The following SPAG16 variants were observed in gnomAD, a reference collection of about 807,000 sequenced individuals.
SPAG16 encodes the protein sperm-associated antigen 16 protein.
SPAG16 carries 86 observed loss-of-function variants against 80.4 expected under a neutral mutation model. The ratio of observed to expected loss-of-function variants is 1.07; its 90% CI spans 0.90 to 1.28. SPAG16 has a LOEUF of 1.28. Ranked by LOEUF, SPAG16 falls within the 50% of genes most tolerant of loss-of-function variation. The pLI is 0.00. For synonymous variants in SPAG16, 294 were observed against 265.9 expected, an observed-to-expected ratio of 1.11 and a Z score of -1.03; for missense variants, 870 against 765.3, an observed-to-expected ratio of 1.14 and a Z score of -1.61.
At chr2:214,191,086 C>A (rs141712741) in intron 15 of SPAG16, among the ~76,000 whole-genome samples, 99 of 152,210 alleles carry the variant, frequency 6.5e-4, no homozygotes, top group African/African-American at 2.2e-3. Context: ...ATTATCCATT[C>A]TTCTTCTGAA....
At chr2:213,349,548 A>G (rs929626529) in intron 6 of SPAG16, among the ~76,000 whole-genome samples, 1 of 152,184 alleles carries the variant, frequency 6.6e-6, no homozygotes, top group African/African-American at 2.4e-5. Context: ...GTGTTTATCT[A>G]AAATAAATGA....
chr2:213,686,213 G>A (rs549611774), intron 10 of SPAG16, among the ~76,000 whole-genome samples: 16 of 152,196 alleles, frequency 1.1e-4, no homozygotes, highest in East Asian at 7.7e-4. Flanking sequence ...CTGCCTCCCC[G>A]GTTCAAGTGA....
intron 12 of SPAG16, among the ~76,000 whole-genome samples, chr2:214,002,278 A>G (rs2046827704): frequency 1.3e-5 from 2 of 152,192 alleles, no homozygotes; most frequent in African/African-American, 4.8e-5. Flanking sequence ...AGGCACTTAC[A>G]TATAGCTCAC....
At chr2:214,102,091 G>T (rs968460660) in intron 13 of SPAG16, among the ~76,000 whole-genome samples, 3 of 146,062 alleles carry the variant, frequency 2.1e-5, no homozygotes, top group African/African-American at 7.6e-5. Context: ...CAATAATAAA[G>T]CATATCTGGT....
rs142326670 is a variant in SPAG16 at position 213,721,599 on chromosome 2, A to G, written c.1071-140886A>G. On this transcript the variant is annotated intron_variant, in intron 10 of 15. Transcript: ENST00000331683. ...CACTTTTCCTCTTTAAACGGTAATA[A>G]CCATTCATTGCAAATTACTAATATA... 2.0e-3 allele frequency among the ~76,000 whole-genome samples: 308 copies of G among 152,330 alleles called. 2 individuals carry two copies. The highest frequency in any genetic ancestry group is 6.8e-3 in the African/African-American group (283 of 41,568).
chr2:213,659,190 G>C (rs1477436042), intron 10 of SPAG16, among the ~76,000 whole-genome samples: 2 of 152,056 alleles, frequency 1.3e-5, no homozygotes, highest in African/African-American at 4.8e-5. Context: ...TTTCTTTGTT[G>C]TGTTATATGT....
At position 214,362,799 on chromosome 2, in the gene SPAG16, T is replaced by C. The variant is rs79511084; in HGVS notation, c.1721-47341T>C. ...AGCATCTTATAATTTTATAGGAAAG[T>C]TAAAGTACAAATAGCTGTAATTCAG... is the stretch of plus-strand genomic sequence containing the variant. On this transcript the variant is annotated intron_variant, in intron 15 of 15. Transcript: ENST00000331683. Among the ~76,000 whole-genome samples, 1,323 of 151,994 alleles carry C rather than the reference T, an allele frequency of 8.7e-3. 23 individuals are homozygous for C. Among genetic ancestry groups the C allele is most frequent in the African/African-American group, 0.03 (1,251 of 41,516 alleles).
chr2:213,566,480 G>T (rs927650350), intron 10 of SPAG16, among the ~76,000 whole-genome samples: 5 of 151,918 alleles, frequency 3.3e-5, no homozygotes, highest in African/African-American at 9.7e-5. Flanking sequence ...GAGGAAAAAG[G>T]ATCTTTTAAT....
intron 3 of SPAG16, among the ~76,000 whole-genome samples, chr2:213,297,623 G>A (rs1027979206): frequency 5.3e-5 from 8 of 152,222 alleles, no homozygotes; most frequent in African/African-American, 1.9e-4. Context: ...TAATCTCACT[G>A]GAGGATAAAC....
At chr2:213,495,515 G>A (rs965929653) in intron 10 of SPAG16, among the ~76,000 whole-genome samples, 1 of 152,150 alleles carries the variant, frequency 6.6e-6, no homozygotes, top group Non-Finnish European at 1.5e-5. Context: ...TATTGAACAC[G>A]TGTCAGGCAC....
At chr2:213,407,564 C>T (rs569953590) in intron 9 of SPAG16, among the ~76,000 whole-genome samples, 39 of 151,028 alleles carry the variant, frequency 2.6e-4, no homozygotes, top group African/African-American at 8.5e-4. Flanking sequence ...GTTGCACTCC[C>T]GCAGGTCCCT....
At chr2:213,793,221 C>T (rs919874478) in intron 10 of SPAG16, among the ~76,000 whole-genome samples, 5 of 151,998 alleles carry the variant, frequency 3.3e-5, no homozygotes, top group Admixed American at 6.6e-5. Flanking sequence ...AGCCACCGCG[C>T]GGCCTTATCT....
intron 10 of SPAG16, among the ~76,000 whole-genome samples, chr2:213,756,959 A>G (rs1262818614): frequency 2.0e-5 from 3 of 152,236 alleles, no homozygotes; most frequent in Non-Finnish European, 4.4e-5. Flanking sequence ...AAGAGGGAAT[A>G]AAGAAATGGA....
intron 14 of SPAG16, among the ~76,000 whole-genome samples, chr2:214,126,046 CCTTCCTTCCTTCCTT>C (rs2054475554): frequency 1.2e-4 from 1 of 8,156 alleles, no homozygotes; most frequent in Non-Finnish European, 2.1e-4. Context: ...TTCCTTCCTT[CCTTCCTTCCTTCCTT>C]TTTTTTTTTT....
At chr2:214,151,058 G>A (rs2216487) in intron 15 of SPAG16, among the ~76,000 whole-genome samples, 140,960 of 152,040 alleles carry the variant, frequency 0.93, 65,475 homozygotes, top group East Asian at 1. Flanking sequence ...CAGTCTGAAG[G>A]AATATGATTT....
At chr2:213,763,795 G>T (rs185458156) in intron 10 of SPAG16, among the ~76,000 whole-genome samples, 101 of 152,282 alleles carry the variant, frequency 6.6e-4, no homozygotes, top group South Asian at 6.2e-3. Context: ...TGACCGTCTT[G>T]CTCTCATCCT....
chr2:213,932,015 A>G (rs886977386), intron 12 of SPAG16, among the ~76,000 whole-genome samples: 7 of 151,682 alleles, frequency 4.6e-5, no homozygotes, highest in African/African-American at 1.7e-4. Flanking sequence ...GTCTAAAACT[A>G]GTGTCTTTCT....
intron 12 of SPAG16, among the ~76,000 whole-genome samples, chr2:213,981,674 C>T (rs902059206): frequency 5.3e-5 from 8 of 151,868 alleles, no homozygotes; most frequent in Admixed American, 6.6e-5. Flanking sequence ...ATTAGAGGGT[C>T]AGATTGGTTT....
At chr2:214,362,567 C>T (rs1308673796) in intron 15 of SPAG16, among the ~76,000 whole-genome samples, 1 of 151,862 alleles carries the variant, frequency 6.6e-6, no homozygotes, top group African/African-American at 2.4e-5. Context: ...TCTCCAGCCT[C>T]ATAGCCTAAT....
Sources: allele counts gnomAD v4.1 joint callset (sites outside exome capture counted in the v4.1 genomes callset), GRCh38; gene constraint gnomAD v4.1.1; transcripts MANE v1.5; gene names NCBI Gene and HGNC (gene_info 2026-07-23, HGNC 2026-07-21).